The following ZC3H12B variants were observed in gnomAD, a reference collection of about 807,000 sequenced individuals.
The protein encoded by ZC3H12B is zinc finger CCCH-type containing 12B.
In ZC3H12B, 7 loss-of-function variants were observed where a neutral mutation model predicts 43.9. That is an observed-to-expected ratio of 0.16 (90% CI 0.09 to 0.30). The LOEUF is 0.30. ZC3H12B is among the 10% of genes least tolerant of loss of function. ZC3H12B has a pLI of 1.00. For synonymous variants in ZC3H12B, 222 were observed against 241.7 expected (o/e 0.92, Z 0.76); for missense variants, 475 against 670.2 (o/e 0.71, Z 3.22).
At chrX:65,271,244 A>C in the ZC3H12B span, 1 of 112,274 alleles carries the variant, frequency 8.9e-6, no homozygotes. Flanking sequence ...TCTTCAGAAA[A>C]GAATTCATCT....
upstream of ZC3H12B, among the ~76,000 whole-genome samples, chrX:65,363,605 C>G (rs1483316216): frequency 8.9e-6 from 1 of 111,863 alleles, no homozygotes; most frequent in Non-Finnish European, 1.9e-5. Context: ...CTAGCTCTCC[C>G]TGACTCATCC....
the ZC3H12B span, among the ~76,000 whole-genome samples, chrX:65,184,514 G>A: frequency 9.0e-6 from 1 of 111,565 alleles, no homozygotes; most frequent in African/African-American, 3.3e-5. Flanking sequence ...GTGATGGATG[G>A]AATTTGTAAA....
the ZC3H12B span, among the ~76,000 whole-genome samples, chrX:65,106,643 G>A: frequency 1.2e-4 from 13 of 111,208 alleles, no homozygotes; most frequent in Non-Finnish European, 1.9e-4. Context: ...GAAAGGGAAG[G>A]AGGTAGTTAA....
chrX:65,109,291 A>T, the ZC3H12B span, among the ~76,000 whole-genome samples: 1 of 111,505 alleles, frequency 9.0e-6, no homozygotes, highest in African/African-American at 3.3e-5. Flanking sequence ...ATTACAATTC[A>T]TGTTAGAACA....
intron 2 of ZC3H12B, among the ~76,000 whole-genome samples, chrX:65,381,070 C>G (rs1193642366): frequency 1.8e-5 from 2 of 111,096 alleles, no homozygotes; most frequent in Non-Finnish European, 3.8e-5. Flanking sequence ...CAAAGATACC[C>G]AGGAATTGAA....
intron 3 of ZC3H12B, among the ~76,000 whole-genome samples, chrX:65,417,225 C>T (rs777406869): frequency 7.2e-5 from 8 of 110,720 alleles, no homozygotes; most frequent in Admixed American, 2.9e-4. Flanking sequence ...GTAGTAATTT[C>T]CTAGAACTTT....
chrX:65,143,945 G>A, the ZC3H12B span, among the ~76,000 whole-genome samples: 1 of 110,877 alleles, frequency 9.0e-6, no homozygotes, highest in Non-Finnish European at 1.9e-5. Flanking sequence ...ATGTTCATCT[G>A]GCATATTGGT....
At chrX:65,228,543 G>T in the ZC3H12B span, among the ~76,000 whole-genome samples, 6 of 110,824 alleles carry the variant, frequency 5.4e-5, no homozygotes, top group African/African-American at 2.0e-4. Flanking sequence ...GGGCAATTAG[G>T]CAGGAGAAGG....
At chrX:65,149,710 G>T in the ZC3H12B span, among the ~76,000 whole-genome samples, 3 of 104,825 alleles carry the variant, frequency 2.9e-5, no homozygotes, top group Non-Finnish European at 5.9e-5. Context: ...TTTGCAGTGA[G>T]CCGAGATCAC....
At chrX:65,152,900 A>T in the ZC3H12B span, among the ~76,000 whole-genome samples, 8 of 111,822 alleles carry the variant, frequency 7.2e-5, no homozygotes, top group Non-Finnish European at 1.5e-4. Flanking sequence ...GATAAATGGA[A>T]CAGAACAGAG....
the ZC3H12B span, among the ~76,000 whole-genome samples, chrX:65,241,347 C>T: frequency 3.6e-5 from 4 of 111,294 alleles, no homozygotes; most frequent in African/African-American, 6.5e-5. Context: ...GGAACAGCAG[C>T]TGTGCTGCAT....
chrX:65,487,027 T>A (rs1266263338), upstream of ZC3H12B, among the ~76,000 whole-genome samples: 8 of 112,678 alleles, frequency 7.1e-5, no homozygotes, highest in East Asian at 1.9e-3. Context: ...AATGTGGAAC[T>A]TATAAGGAAA....
the ZC3H12B span, among the ~76,000 whole-genome samples, chrX:65,089,589 T>C: frequency 2.7e-3 from 299 of 111,798 alleles, no homozygotes; most frequent in Middle Eastern, 0.014. Flanking sequence ...ATTAAAAATA[T>C]TTTTCTTCAA....
intron 3 of ZC3H12B, among the ~76,000 whole-genome samples, chrX:65,462,818 C>T (rs993870692): frequency 7.1e-5 from 8 of 112,356 alleles, no homozygotes; most frequent in African/African-American, 1.9e-4. Flanking sequence ...CGTGCACTCG[C>T]ATGTTCATTG....
the ZC3H12B span, among the ~76,000 whole-genome samples, chrX:65,051,445 C>A: frequency 9.1e-6 from 1 of 110,322 alleles, no homozygotes; most frequent in Non-Finnish European, 1.9e-5. Flanking sequence ...TAATTGAGAT[C>A]TTTCTTTCTT....
At chrX:65,052,232 G>A in the ZC3H12B span, among the ~76,000 whole-genome samples, 1 of 111,072 alleles carries the variant, frequency 9.0e-6, no homozygotes, top group Admixed American at 9.6e-5. Flanking sequence ...TACATGATAT[G>A]TTTTGATACG....
At chrX:65,202,137 T>TCTATAAC in the ZC3H12B span, among the ~76,000 whole-genome samples, 85 of 74,732 alleles carry the variant, frequency 1.1e-3, 29 homozygotes, top group African/African-American at 0.011. Flanking sequence ...ATATATATTT[T>TCTATAAC]ATATAATATG....
chrX:65,144,915 A>G, the ZC3H12B span, among the ~76,000 whole-genome samples: 7 of 111,797 alleles, frequency 6.3e-5, no homozygotes, highest in Admixed American at 6.6e-4. Flanking sequence ...AGAAAGTTCC[A>G]TGCGCTGTTG....
intron 2 of ZC3H12B, among the ~76,000 whole-genome samples, chrX:65,378,554 G>C (rs2066382772): frequency 8.9e-6 from 1 of 112,249 alleles, no homozygotes; most frequent in Admixed American, 9.4e-5. Flanking sequence ...AAAGAAAAAA[G>C]ACTACAAAAC....
Sources: allele counts gnomAD v4.1 joint callset (sites outside exome capture counted in the v4.1 genomes callset), GRCh38; gene constraint gnomAD v4.1.1; transcripts MANE v1.5; gene names NCBI Gene and HGNC (gene_info 2026-07-23, HGNC 2026-07-21).